Variants in ROBO1 observed in about 807,000 individuals in gnomAD.
The protein encoded by ROBO1 is roundabout guidance receptor 1, also known as roundabout homolog 1.
Under a neutral mutation model 195.9 loss-of-function variants are expected in ROBO1, and 149 were observed. The observed-to-expected ratio is 0.76, with a 90% CI of 0.67 to 0.87. The LOEUF (loss-of-function observed/expected upper bound fraction) is 0.87. Ranked by LOEUF, ROBO1 falls within the 40% of genes least tolerant of loss-of-function variation. The pLI is 0.00. For missense variants in ROBO1, 1,933 were observed against 2,068.3 expected (o/e 0.93, Z 1.27); for synonymous variants, 816 against 733.2 (o/e 1.11, Z -1.82).
Position 79,204,870 on chromosome 3 carries a change from C to T in ROBO1, c.89-79331G>A, listed in dbSNP as rs540900117. On this transcript the variant is annotated intron_variant, in intron 2 of 30. Transcript: ENST00000464233. ...TTGCTTTTTTCTAACTTTGCACATACTTTTCTTGCGGTTACGTCTTTTTTT... is the reference window on the plus strand; with the variant it reads ...TTGCTTTTTTCTAACTTTGCACATATTTTTCTTGCGGTTACGTCTTTTTTT... Among the ~76,000 whole-genome samples, 261 of 152,156 alleles carry T rather than the reference C, an allele frequency of 1.7e-3. 1 individual carries two copies. The highest frequency in any genetic ancestry group is 3.1e-3 in the Non-Finnish European group (210 of 67,998).
At chr3:79,032,284 A>G (rs1257811695) in intron 3 of ROBO1, among the ~76,000 whole-genome samples, 1 of 152,060 alleles carries the variant, frequency 6.6e-6, no homozygotes, top group East Asian at 1.9e-4. Flanking sequence ...AAAATATTAC[A>G]TTGTTCTTTA....
chr3:78,860,095 C>T (rs1314505718), intron 4 of ROBO1, among the ~76,000 whole-genome samples: 48 of 147,428 alleles, frequency 3.3e-4, no homozygotes. Context: ...AAAAAAAAGA[C>T]ACAAGGGGTT....
chr3:79,141,759 T>G (rs1358297498), intron 2 of ROBO1, among the ~76,000 whole-genome samples: 1 of 152,086 alleles, frequency 6.6e-6, no homozygotes, highest in African/African-American at 2.4e-5. Flanking sequence ...TATTTCAGTT[T>G]ATTTGGCTCA....
chr3:79,287,485 T>G (rs150669903), intron 2 of ROBO1, among the ~76,000 whole-genome samples: 142 of 152,342 alleles, frequency 9.3e-4, no homozygotes, highest in African/African-American at 3.3e-3. Flanking sequence ...TCAAATATAC[T>G]GAAAGTATAC....
intron 4 of ROBO1, among the ~76,000 whole-genome samples, chr3:78,832,588 C>T (rs149738471): frequency 1.1e-4 from 17 of 152,232 alleles, no homozygotes; most frequent in African/African-American, 4.1e-4. Flanking sequence ...GTGCTAACAG[C>T]CAGAGACACA....
chr3:78,697,934 T>C, intron 8 of ROBO1, among the ~76,000 whole-genome samples: 1 of 152,152 alleles, frequency 6.6e-6, no homozygotes, highest in East Asian at 1.9e-4. Context: ...CTTTTTTTAA[T>C]GGGCTAAATA....
chr3:79,651,810 G>GA (rs1308300700), intron 1 of ROBO1, among the ~76,000 whole-genome samples: 4 of 152,082 alleles, frequency 2.6e-5, no homozygotes, highest in African/African-American at 9.7e-5. Flanking sequence ...GTGCATGACT[G>GA]AAAAATCTAT....
chr3:79,075,264 A>T (rs763537510), intron 3 of ROBO1, among the ~76,000 whole-genome samples: 32 of 151,952 alleles, frequency 2.1e-4, no homozygotes, highest in Non-Finnish European at 4.1e-4. Flanking sequence ...GGATTAATTG[A>T]GGTGTCCTAA....
chr3:78,811,665 C>T (rs2084745280), intron 4 of ROBO1, among the ~76,000 whole-genome samples: 1 of 152,124 alleles, frequency 6.6e-6, no homozygotes, highest in Non-Finnish European at 1.5e-5. Context: ...TCCAGGCCCA[C>T]TGAATCAATC....
At chr3:78,957,026 A>T (rs1030571679) in intron 3 of ROBO1, among the ~76,000 whole-genome samples, 42 of 151,356 alleles carry the variant, frequency 2.8e-4, no homozygotes, top group African/African-American at 1.0e-3. Flanking sequence ...TCTTAACATT[A>T]TTTCTTAGAG....
At chr3:79,070,491 A>C (rs1444964331) in intron 3 of ROBO1, among the ~76,000 whole-genome samples, 1 of 151,810 alleles carries the variant, frequency 6.6e-6, no homozygotes, top group East Asian at 1.9e-4. Flanking sequence ...CTTTTTTGTC[A>C]GCATGTTGAA....
intron 4 of ROBO1, among the ~76,000 whole-genome samples, chr3:78,847,175 T>C (rs2033725913): frequency 1.3e-5 from 2 of 152,104 alleles, no homozygotes; most frequent in Admixed American, 6.6e-5. Flanking sequence ...CTTAAAGATA[T>C]CCACTTCTGA....
chr3:78,825,048 A>G (rs2031456159), intron 4 of ROBO1, among the ~76,000 whole-genome samples: 1 of 152,228 alleles, frequency 6.6e-6, no homozygotes, highest in Non-Finnish European at 1.5e-5. Flanking sequence ...AACTCAATTT[A>G]AATCCCTTTT....
intron 4 of ROBO1, among the ~76,000 whole-genome samples, chr3:78,850,625 G>A (rs1045153849): frequency 6.6e-6 from 1 of 152,112 alleles, no homozygotes; most frequent in African/African-American, 2.4e-5. Flanking sequence ...TTACATGGAG[G>A]AGGGTTATGA....
chr3:79,380,293 C>G (rs965684837), intron 2 of ROBO1, among the ~76,000 whole-genome samples: 31 of 152,106 alleles, frequency 2.0e-4, no homozygotes, highest in Admixed American at 5.9e-4. Flanking sequence ...CAAGATTATA[C>G]AGTTAATCCC....
Position 78,639,904 on chromosome 3 carries a change from TAA to T in ROBO1, c.2883-8_2883-7del. On this transcript the variant is annotated splice_region_variant and splice_polypyrimidine_tract_variant and intron_variant, in intron 21 of 30. Coordinates refer to ENST00000464233, the MANE Select transcript of ROBO1 (RefSeq NM_002941.4). ...TGATGTTGAGAAGTCCAGGCCTAAA[TAA>T]AAAAAAAATATTAAAGCAAATGTTA... 5 of 1,397,852 alleles carry T rather than the reference TAA, an allele frequency of 3.6e-6. No individual in the cohort carries two copies. The highest frequency in any genetic ancestry group is 2.5e-5 in the Admixed American group (1 of 40,656). 86.6% of individuals were successfully genotyped at this position (1,397,852 alleles called of 1,614,324 possible). A position where few individuals can be genotyped will look rare whatever the true frequency, so the allele number is the denominator to read the frequency against.
intron 4 of ROBO1, among the ~76,000 whole-genome samples, chr3:78,849,157 C>T (rs1034178675): frequency 2.4e-4 from 37 of 152,082 alleles, no homozygotes; most frequent in Admixed American, 2.0e-3. Flanking sequence ...TTGTTTTGGA[C>T]ACAGTAAGCT....
chr3:79,262,057 T>A (rs2082949163), intron 2 of ROBO1, among the ~76,000 whole-genome samples: 1 of 152,082 alleles, frequency 6.6e-6, no homozygotes, highest in Admixed American at 6.6e-5. Flanking sequence ...AAGAAACATG[T>A]GCTCTTGGTC....
Position 79,756,870 on chromosome 3 carries a change from G to C in ROBO1, c.-51+10882C>G, listed in dbSNP as rs1411365423. Among the ~76,000 whole-genome samples, 9 of 151,982 alleles carry C rather than the reference G, an allele frequency of 5.9e-5. 1 individual carries two copies. The highest frequency in any genetic ancestry group is 5.9e-4 in the Admixed American group (9 of 15,274). ...TTCTACTTTGTATCTCTGTGACTTT[G>C]ATTATTCTAGGTACCTCATATAAGT... On this transcript the variant is annotated intron_variant, in intron 1 of 30. Transcript: ENST00000464233.
Sources: allele counts gnomAD v4.1 joint callset (sites outside exome capture counted in the v4.1 genomes callset), GRCh38; gene constraint gnomAD v4.1.1; transcripts MANE v1.5; gene names NCBI Gene and HGNC (gene_info 2026-07-23, HGNC 2026-07-21).